The following IL1RAPL1 variants were observed in gnomAD, a reference collection of about 807,000 sequenced individuals.
IL1RAPL1 encodes the protein interleukin-1 receptor accessory protein-like 1.
In IL1RAPL1, 3 loss-of-function variants were observed where a neutral mutation model predicts 48.4. The observed-to-expected ratio is 0.06, with a 90% CI of 0.03 to 0.16. The LOEUF (loss-of-function observed/expected upper bound fraction) is 0.16. Ranked by LOEUF, IL1RAPL1 falls within the 10% of genes least tolerant of loss-of-function variation. The pLI is 1.00. For synonymous variants in IL1RAPL1, 185 were observed against 187.7 expected (o/e 0.99, Z 0.12); for missense variants, 349 against 530.6 (o/e 0.66, Z 3.36).
chrX:29,638,881 T>C (rs1478562533), intron 5 of IL1RAPL1, among the ~76,000 whole-genome samples: 2 of 112,335 alleles, frequency 1.8e-5, no homozygotes, highest in Non-Finnish European at 3.8e-5. Context: ...GAAAGTGAAA[T>C]ATATTTTTAA....
intron 2 of IL1RAPL1, among the ~76,000 whole-genome samples, chrX:28,818,201 T>G (rs1936891853): frequency 9.0e-6 from 1 of 111,017 alleles, no homozygotes; most frequent in South Asian, 3.7e-4. Context: ...AGCTTTAGAT[T>G]TACAAAAATT....
chrX:28,677,818 C>T (rs1271341863), intron 1 of IL1RAPL1, among the ~76,000 whole-genome samples: 1 of 111,145 alleles, frequency 9.0e-6, no homozygotes, highest in Non-Finnish European at 1.9e-5. Flanking sequence ...GAACTCCTGA[C>T]CTCAGGTGAT....
At chrX:28,616,487 G>T (rs1243796705) in intron 1 of IL1RAPL1, among the ~76,000 whole-genome samples, 10 of 109,102 alleles carry the variant, frequency 9.2e-5, no homozygotes, top group African/African-American at 3.3e-4. Flanking sequence ...GGGCTGGAGT[G>T]CAATGGCACG....
At chrX:29,711,598 A>C (rs1172173940) in intron 6 of IL1RAPL1, among the ~76,000 whole-genome samples, 3 of 112,033 alleles carry the variant, frequency 2.7e-5, no homozygotes, top group Non-Finnish European at 5.6e-5. Flanking sequence ...CATAAATAAT[A>C]AGGTTTTGTG....
chrX:29,378,241 A>T (rs1933648984), intron 3 of IL1RAPL1, among the ~76,000 whole-genome samples: 1 of 110,889 alleles, frequency 9.0e-6, no homozygotes, highest in Admixed American at 9.6e-5. Flanking sequence ...TCTTTCTTGA[A>T]ATGGTTATTT....
chrX:28,751,672 T>C (rs916567350), intron 1 of IL1RAPL1, among the ~76,000 whole-genome samples: 9 of 112,188 alleles, frequency 8.0e-5, no homozygotes, highest in African/African-American at 2.9e-4. Context: ...AGAGCAGAGA[T>C]CATGTCAGTC....
intron 5 of IL1RAPL1, among the ~76,000 whole-genome samples, chrX:29,627,215 G>A (rs1924641715): frequency 8.9e-6 from 1 of 112,129 alleles, no homozygotes; most frequent in Non-Finnish European, 1.9e-5. Context: ...TGCTGTGAAG[G>A]AGGGGTGAGG....
chrX:28,950,169 T>G (rs1427950096), intron 2 of IL1RAPL1, among the ~76,000 whole-genome samples: 6 of 93,753 alleles, frequency 6.4e-5, no homozygotes, highest in African/African-American at 2.0e-4. Context: ...GCTAGCCAGT[T>G]TTCCCAGCAC....
intron 3 of IL1RAPL1, among the ~76,000 whole-genome samples, chrX:29,344,211 T>C (rs1056577886): frequency 2.8e-4 from 32 of 112,457 alleles, no homozygotes; most frequent in South Asian, 7.3e-4. Flanking sequence ...GATCATTTCC[T>C]TTCAACCAGA....
chrX:29,481,790 C>T (rs1023869577), intron 5 of IL1RAPL1, among the ~76,000 whole-genome samples: 5 of 111,770 alleles, frequency 4.5e-5, no homozygotes, highest in Non-Finnish European at 7.5e-5. Context: ...AACTAAATCA[C>T]AACATCTTTG....
At chrX:29,860,651 T>C (rs1404705170) in intron 6 of IL1RAPL1, among the ~76,000 whole-genome samples, 2 of 111,838 alleles carry the variant, frequency 1.8e-5, no homozygotes, top group Admixed American at 1.9e-4. Context: ...AGAATGATGG[T>C]TTCCAGCTTC....
chrX:29,037,891 A>G (rs752878474), intron 2 of IL1RAPL1, among the ~76,000 whole-genome samples: 1 of 111,755 alleles, frequency 8.9e-6, no homozygotes, highest in Non-Finnish European at 1.9e-5. Flanking sequence ...CAATGATCCA[A>G]TATGGAACAC....
At chrX:29,768,803 T>C (rs1471505693) in intron 6 of IL1RAPL1, among the ~76,000 whole-genome samples, 1 of 112,043 alleles carries the variant, frequency 8.9e-6, no homozygotes, top group Non-Finnish European at 1.9e-5. Flanking sequence ...AACACCTCAT[T>C]TGATGCTTTA....
chrX:29,454,722 A>G (rs1290860381), intron 5 of IL1RAPL1, among the ~76,000 whole-genome samples: 2 of 111,195 alleles, frequency 1.8e-5, no homozygotes, highest in Non-Finnish European at 3.8e-5. Flanking sequence ...GAATAAAATA[A>G]TACAATAAAC....
chrX:29,362,793 A>T (rs2147660360), intron 3 of IL1RAPL1, among the ~76,000 whole-genome samples: 1 of 112,117 alleles, frequency 8.9e-6, no homozygotes, highest in African/African-American at 3.2e-5. Flanking sequence ...CATCGGAGTG[A>T]TTTCATGTTT....
intron 6 of IL1RAPL1, among the ~76,000 whole-genome samples, chrX:29,695,253 G>C (rs1278281396): frequency 9.0e-6 from 1 of 111,322 alleles, no homozygotes; most frequent in Non-Finnish European, 1.9e-5. Flanking sequence ...GGTTTCCCAA[G>C]GTCACTAATT....
chrX:29,466,703 A>T (rs751190769), intron 5 of IL1RAPL1, among the ~76,000 whole-genome samples: 1 of 112,228 alleles, frequency 8.9e-6, no homozygotes, highest in Non-Finnish European at 1.9e-5. Context: ...GTGACAGCCA[A>T]TTCCCTCAGA....
chrX:29,093,636 G>T (rs1371576262), intron 2 of IL1RAPL1, among the ~76,000 whole-genome samples: 1 of 111,836 alleles, frequency 8.9e-6, no homozygotes, highest in East Asian at 2.8e-4. Context: ...TATGTGTTAG[G>T]TACTATGCTA....
intron 5 of IL1RAPL1, among the ~76,000 whole-genome samples, chrX:29,552,013 C>T (rs1280588200): frequency 1.8e-5 from 2 of 111,662 alleles, no homozygotes; most frequent in Middle Eastern, 4.6e-3. Flanking sequence ...TATTTCATTC[C>T]CATTCAGGAT....
Sources: gnomAD v4.1 joint callset for allele counts (sites outside exome capture counted in the v4.1 genomes callset) on GRCh38, gnomAD v4.1.1 for gene constraint, MANE v1.5 for transcripts, NCBI Gene and HGNC (gene_info 2026-07-23, HGNC 2026-07-21) for gene names.